MROH9: variants seen among roughly 807,000 people sequenced by gnomAD.
MROH9 encodes maestro heat-like repeat-containing protein family member 9.
A neutral mutation model predicts 98.2 loss-of-function variants in MROH9; 92 were observed. The observed-to-expected ratio is 0.94, with a 90% CI of 0.79 to 1.11. The LOEUF (loss-of-function observed/expected upper bound fraction) is 1.11, where lower values mean the gene tolerates loss of function less well. Among genes scored for constraint, MROH9 ranks in the 50% most tolerant of loss-of-function variants. The pLI is 0.00. For missense variants in MROH9, 1,057 were observed against 1,014.8 expected, an observed-to-expected ratio of 1.04 and a Z score of -0.57; for synonymous variants, 397 against 368.9, an observed-to-expected ratio of 1.08 and a Z score of -0.87.
intron 20 of MROH9, among the ~76,000 whole-genome samples, chr1:171,056,476 A>G (rs1653840840): frequency 6.6e-6 from 1 of 152,204 alleles, no homozygotes; most frequent in Non-Finnish European, 1.5e-5. Context: ...GCTCAGGGAC[A>G]GAACCCAGAT....
intron 8 of MROH9, among the ~76,000 whole-genome samples, chr1:170,972,929 G>A (rs995493479): frequency 1.2e-4 from 18 of 150,214 alleles, no homozygotes; most frequent in African/African-American, 4.4e-4. Flanking sequence ...AGGTGAGAAC[G>A]AATGAGGTGG....
rs780970260 is a variant in MROH9 at position 170,986,720 on chromosome 1, T to A, written c.879+10T>A. On this transcript the variant is annotated intron_variant, in intron 10 of 21. Coordinates refer to ENST00000367759, the MANE Select transcript of MROH9 (RefSeq NM_001163629.2). ...CGAGAAGGTCACCATGGTAAGATACTTGACAATAAGCAGGAGAGCACAGGG... is the reference window on the plus strand; with the variant it reads ...CGAGAAGGTCACCATGGTAAGATACATGACAATAAGCAGGAGAGCACAGGG... The A allele has an allele frequency of 2.5e-6, 4 of 1,612,656 alleles. No individual in the cohort carries two copies. In the Middle Eastern group the frequency reaches 6.6e-4, roughly 267 times the overall value.
In MROH9 at chr1:170,959,454, C is replaced by T. The variant is rs771194025; in HGVS notation, c.153-8C>T. ...TCATCATTAATAATTGCTCCTTTTT[C>T]TTGTCAGCTTTGTGGATCCCTTACT... On this transcript the variant is annotated splice_polypyrimidine_tract_variant and splice_region_variant and intron_variant, in intron 4 of 21. Transcript: ENST00000367759. The T allele has an allele frequency of 1.3e-6, 2 of 1,584,970 alleles. No homozygotes were observed.
chr1:170,949,147 T>C (rs1369704431), intron 3 of MROH9, among the ~76,000 whole-genome samples: 1 of 152,028 alleles, frequency 6.6e-6, no homozygotes, highest in South Asian at 2.1e-4. Context: ...CCATGTCAAC[T>C]AGTCATTAGA....
intron 20 of MROH9, among the ~76,000 whole-genome samples, chr1:171,027,509 A>G (rs1652756720): frequency 6.6e-6 from 1 of 152,218 alleles, no homozygotes; most frequent in Non-Finnish European, 1.5e-5. Context: ...GTGCTGCAAT[A>G]AACATACATG....
At chr1:170,991,848 G>A (rs574712321) in intron 11 of MROH9, among the ~76,000 whole-genome samples, 2 of 152,218 alleles carry the variant, frequency 1.3e-5, no homozygotes. Context: ...AGGAACAGAG[G>A]AAGTATAGAT....
intron 13 of MROH9, 89 bp from the exon 14 acceptor site, chr1:170,996,418 C>T: frequency 6.9e-7 from 1 of 1,453,150 alleles, no homozygotes; most frequent in Non-Finnish European, 9.4e-7. Flanking sequence ...TATATTCTGC[C>T]CAAGATGGGA....
intron 6 of MROH9, among the ~76,000 whole-genome samples, 195 bp from the exon 7 acceptor site, chr1:170,964,956 C>A (rs1182426790): frequency 6.6e-6 from 1 of 151,716 alleles, no homozygotes; most frequent in Non-Finnish European, 1.5e-5. Context: ...AAATAAAACC[C>A]AGATACAGTT....
chr1:171,016,926 T>C (rs983263332), intron 17 of MROH9, among the ~76,000 whole-genome samples: 2 of 152,212 alleles, frequency 1.3e-5, no homozygotes, highest in South Asian at 2.1e-4. Flanking sequence ...GGGGAATCTA[T>C]GTATTTTTAA....
intron 2 of MROH9, among the ~76,000 whole-genome samples, chr1:170,946,685 CAAA>C (rs1649341889): frequency 1.3e-5 from 2 of 151,718 alleles, no homozygotes; most frequent in South Asian, 2.1e-4. Flanking sequence ...AAAAAAGAAT[CAAA>C]GAAGATCTAG....
At chr1:170,990,192 T>A (rs145863395) in intron 11 of MROH9, among the ~76,000 whole-genome samples, 189 bp downstream of exon 11, 1 of 152,218 alleles carries the variant, frequency 6.6e-6, no homozygotes, top group East Asian at 1.9e-4. Flanking sequence ...GTTATGCATA[T>A]CTTTGTATAA....
At position 170,958,585 on chromosome 1, in the gene MROH9, T is replaced by TA. The variant is rs746536866; in HGVS notation, c.152+45_152+46insA. On this transcript the variant is annotated intron_variant, in intron 4 of 21. Transcript: ENST00000367759. ...TCTTTTATTTCACTAATTGGATGCA[T>TA]TTAAAATGTTATATCTTTAAAAACA... 0.024 allele frequency: 29,781 copies of TA among 1,266,468 alleles called. 4,179 individuals are homozygous for TA. The African/African-American group carries it at 0.34, about 15-fold the overall frequency. The allele number at this position is 1,266,468 out of a possible 1,614,324, so 78.5% of individuals were successfully genotyped here. A position where few individuals can be genotyped will look rare whatever the true frequency, so the allele number is the denominator to read the frequency against.
chr1:171,049,896 G>A (rs191546432), intron 20 of MROH9, among the ~76,000 whole-genome samples: 63 of 152,112 alleles, frequency 4.1e-4, no homozygotes, highest in Non-Finnish European at 7.4e-5. Context: ...TGCCTAGGCT[G>A]GTCTCAAACT....
In MROH9 at chr1:170,970,743, AG is replaced by A. The variant is rs1650422908; in HGVS notation, c.481-1004del. Reference sequence around the variant, plus strand: ...GTGTGTGTGTGTGTGAGAGAGAGAGAGAGAGAGAGAGAGAGAGAGAGAGAGA... The same window carrying A: ...GTGTGTGTGTGTGTGAGAGAGAGAGAAGAGAGAGAGAGAGAGAGAGAGAGA... On this transcript the variant is annotated intron_variant, in intron 7 of 21. Transcript: ENST00000367759. Among the ~76,000 whole-genome samples the A allele has an allele frequency of 2.5e-4, 31 of 124,568 alleles. 1 individual carries two copies. The highest frequency in any genetic ancestry group is 4.5e-3 in the Middle Eastern group (1 of 224). The allele number at this position is 124,568 out of a possible 152,430, so 81.7% of individuals were successfully genotyped here.
intron 20 of MROH9, among the ~76,000 whole-genome samples, chr1:171,046,638 T>G (rs115769379): frequency 6.6e-6 from 1 of 152,160 alleles, no homozygotes; most frequent in African/African-American, 2.4e-5. Flanking sequence ...AAAGTTGTAG[T>G]TATTATTATT....
At chr1:171,007,085 C>A (rs1651977821) in intron 15 of MROH9, among the ~76,000 whole-genome samples, 1 of 152,208 alleles carries the variant, frequency 6.6e-6, no homozygotes, top group African/African-American at 2.4e-5. Flanking sequence ...AATGCAAACA[C>A]CTCTTCCCAC....
intron 15 of MROH9, among the ~76,000 whole-genome samples, chr1:171,003,591 G>C (rs965827556): frequency 1.3e-5 from 2 of 152,206 alleles, no homozygotes; most frequent in African/African-American, 4.8e-5. Context: ...CCTGTGATGT[G>C]AACCATTTTT....
Position 170,966,508 on chromosome 1 carries a change from G to T in MROH9, c.480+1253G>T, listed in dbSNP as rs576757900. On this transcript the variant is annotated intron_variant, in intron 7 of 21. Coordinates refer to ENST00000367759, the MANE Select transcript of MROH9 (RefSeq NM_001163629.2). ...AAGAGGGTGAGAAACATGCATTCAT[G>T]ATGTTATCTTTATCCATTTTCTACT... 3.9e-5 allele frequency among the ~76,000 whole-genome samples: 6 copies of T among 152,180 alleles called. No individual in the cohort carries two copies. The South Asian group carries it at 1.2e-3, about 32-fold the overall frequency.
Position 170,981,293 on chromosome 1 carries a change from A to G in MROH9, c.617-2129A>G, listed in dbSNP as rs893134147. ...CCAAAGGAATATAGATCATTCTACT[A>G]TAAAGACATATGCATACATATGTTT... On this transcript the variant is annotated intron_variant, in intron 8 of 21. Transcript: ENST00000367759. Among the ~76,000 whole-genome samples, 22 of 152,322 alleles carry G rather than the reference A, an allele frequency of 1.4e-4. 1 individual carries two copies. The highest frequency in any genetic ancestry group is 7.4e-5 in the Non-Finnish European group (5 of 68,024).
Sources: gnomAD v4.1 joint callset for allele counts (sites outside exome capture counted in the v4.1 genomes callset) on GRCh38, gnomAD v4.1.1 for gene constraint, MANE v1.5 for transcripts, NCBI Gene and HGNC (gene_info 2026-07-23, HGNC 2026-07-21) for gene names.